CNTNAP5: variants seen among roughly 807,000 people sequenced by gnomAD.
CNTNAP5 encodes the protein contactin associated protein family member 5, also known as contactin-associated protein-like 5.
A neutral mutation model predicts 150.2 loss-of-function variants in CNTNAP5; 72 were observed. The observed-to-expected ratio is 0.48, with a 90% CI of 0.40 to 0.58. The LOEUF (loss-of-function observed/expected upper bound fraction) is 0.58, where lower values mean the gene tolerates loss of function less well. CNTNAP5 is among the 20% of genes least tolerant of loss of function. The probability of loss-of-function intolerance (pLI) is 0.00; values close to 1 mark genes in which losing one functional copy is unlikely to be tolerated. For synonymous variants in CNTNAP5, 672 were observed against 619.8 expected (o/e 1.08, Z -1.25); for missense variants, 1,636 against 1,626.2 (o/e 1.01, Z -0.10).
chr2:124,904,895 T>TA (rs1338582165), intron 22 of CNTNAP5, among the ~76,000 whole-genome samples: 1 of 151,204 alleles, frequency 6.6e-6, no homozygotes. Context: ...TGCATGAAAC[T>TA]AAAAAACCCT....
chr2:124,079,173 T>G (rs535641843), intron 1 of CNTNAP5, among the ~76,000 whole-genome samples: 1 of 152,316 alleles, frequency 6.6e-6, no homozygotes, highest in African/African-American at 2.4e-5. Context: ...AAAACACCTG[T>G]TACGTTAGTC....
rs770024469 is a variant in CNTNAP5, at chr2:124,911,553, G to GTTGTTGAA, written c.3727+17_3727+24dup. 102 of 1,572,512 alleles carry GTTGTTGAA rather than the reference G, an allele frequency of 6.5e-5. No individual in the cohort carries two copies. The highest frequency in any genetic ancestry group is 8.2e-5 in the Non-Finnish European group (95 of 1,153,804). ...AGTCATCGGAGGTAAACAATTCATT[G>GTTGTTGAA]TTGTTGAATGCAAAAAGACATAAAC... On this transcript the variant is annotated intron_variant, in intron 23 of 23. Coordinates refer to ENST00000682447, the MANE Select transcript of CNTNAP5 (RefSeq NM_001367498.1).
chr2:124,245,850 C>T (rs1232544755), intron 3 of CNTNAP5, among the ~76,000 whole-genome samples: 2 of 151,926 alleles, frequency 1.3e-5, no homozygotes, highest in African/African-American at 4.8e-5. Context: ...CCCACTTCAG[C>T]CTTCAAAGTA....
chr2:124,911,656 C>T (rs1678657911), intron 23 of CNTNAP5, 118 bp downstream of exon 23: 2 of 764,534 alleles, frequency 2.6e-6, no homozygotes, highest in South Asian at 3.1e-5. Context: ...CCTACATTAC[C>T]TGCAAGACTG....
At chr2:124,480,676 A>T (rs1187820140) in intron 7 of CNTNAP5, among the ~76,000 whole-genome samples, 1 of 152,154 alleles carries the variant, frequency 6.6e-6, no homozygotes, top group East Asian at 1.9e-4. Flanking sequence ...CATCTCTGTG[A>T]GTATGCTCTG....
At position 124,772,956 on chromosome 2, in the gene CNTNAP5, C is replaced by A. The variant is rs761785663; in HGVS notation, c.2691C>A (p.Ser897Arg). Residue 897 changes from serine (S) to arginine (R), a missense_variant, in exon 17 of 24, where the codon AGC (serine) becomes AGA (arginine). Coordinates refer to ENST00000682447, the MANE Select transcript of CNTNAP5 (RefSeq NM_001367498.1). ...TGCAGGTGGACAACCTTCCAAGGAG[C>A]ACCAGGGAGACGTCGGAGGAGGGCC... The part of the protein sequence containing the change: ...TSLQVDNLPR[S>R]TRETSEEGHF... 2 of 1,613,730 alleles carry A rather than the reference C, an allele frequency of 1.2e-6. No individual in the cohort carries two copies. Among genetic ancestry groups the A allele is most frequent in the African/African-American group, 1.3e-5 (1 of 75,040 alleles).
intron 3 of CNTNAP5, among the ~76,000 whole-genome samples, chr2:124,264,428 ACACAC>A (rs1687550834): frequency 7.2e-6 from 1 of 138,382 alleles, no homozygotes; most frequent in African/African-American, 2.6e-5. Context: ...ACACACACAC[ACACAC>A]CAATCGCCAT....
chr2:124,511,337 A>T (rs1287310726), intron 8 of CNTNAP5, among the ~76,000 whole-genome samples: 1 of 152,228 alleles, frequency 6.6e-6, no homozygotes, highest in Non-Finnish European at 1.5e-5. Flanking sequence ...CCGATGGGAA[A>T]ATACAAGGCA....
Position 124,148,862 on chromosome 2 carries a change from A to C in CNTNAP5, c.83-72843A>C, listed in dbSNP as rs1034013017. ...AGACACTATGCATCTATAGAGAGAG[A>C]GGTGTATATATATACACACACACAT... is the stretch of plus-strand genomic sequence containing the variant. On this transcript the variant is annotated intron_variant, in intron 1 of 23. Coordinates refer to ENST00000682447, the MANE Select transcript of CNTNAP5 (RefSeq NM_001367498.1). Among the ~76,000 whole-genome samples the C allele has an allele frequency of 4.0e-5, 6 of 150,666 alleles. No homozygotes were observed. In the East Asian group the frequency reaches 1.2e-3, roughly 29 times the overall value.
chr2:124,244,543 G>T (rs1686971091), intron 3 of CNTNAP5, among the ~76,000 whole-genome samples: 1 of 152,110 alleles, frequency 6.6e-6, no homozygotes, highest in Non-Finnish European at 1.5e-5. Context: ...TCCAGCAACA[G>T]CTCCCCAGAG....
At chr2:124,398,377 T>C (rs1162164979) in intron 3 of CNTNAP5, among the ~76,000 whole-genome samples, 1 of 152,094 alleles carries the variant, frequency 6.6e-6, no homozygotes. Context: ...TGGGGGAACA[T>C]CTCGCAGTTT....
At chr2:124,864,890 G>T (rs1320004922) in intron 19 of CNTNAP5, among the ~76,000 whole-genome samples, 2 of 152,158 alleles carry the variant, frequency 1.3e-5, no homozygotes, top group African/African-American at 4.8e-5. Flanking sequence ...TAACAGGACT[G>T]AGTTCTCTTT....
intron 1 of CNTNAP5, among the ~76,000 whole-genome samples, chr2:124,124,982 A>C (rs1033682200): frequency 6.6e-6 from 1 of 152,218 alleles, no homozygotes; most frequent in Non-Finnish European, 1.5e-5. Context: ...AAGACCATCA[A>C]TGCTAGGAAG....
intron 8 of CNTNAP5, among the ~76,000 whole-genome samples, chr2:124,515,528 T>TTCAA (rs1694690025): frequency 8.5e-6 from 1 of 117,566 alleles, no homozygotes; most frequent in Admixed American, 8.2e-5. Flanking sequence ...TACTAATTTA[T>TTCAA]TCAATCAATC....
intron 1 of CNTNAP5, among the ~76,000 whole-genome samples, chr2:124,167,115 ATC>A: frequency 6.6e-6 from 1 of 152,254 alleles, no homozygotes; most frequent in East Asian, 1.9e-4. Context: ...TGTCTCAGAT[ATC>A]TCTCTCTTTC....
chr2:124,216,698 G>C (rs995036775), intron 1 of CNTNAP5, among the ~76,000 whole-genome samples: 1 of 152,102 alleles, frequency 6.6e-6, no homozygotes, highest in African/African-American at 2.4e-5. Context: ...CTTCATCCAT[G>C]TCCCTACAAA....
intron 19 of CNTNAP5, among the ~76,000 whole-genome samples, chr2:124,837,667 A>T (rs539785390): frequency 6.6e-6 from 1 of 152,164 alleles, no homozygotes; most frequent in Admixed American, 6.6e-5. Context: ...TTTTAGGCAC[A>T]GTTGTTTACA....
At chr2:124,519,185 G>T (rs1045059004) in intron 8 of CNTNAP5, among the ~76,000 whole-genome samples, 5 of 151,900 alleles carry the variant, frequency 3.3e-5, no homozygotes, top group South Asian at 2.1e-4. Flanking sequence ...AGGGCTGGAG[G>T]TGCAGGGATA....
intron 19 of CNTNAP5, among the ~76,000 whole-genome samples, chr2:124,799,129 A>C (rs1021152297): frequency 2.0e-5 from 3 of 152,156 alleles, no homozygotes; most frequent in Non-Finnish European, 4.4e-5. Flanking sequence ...TCATTTTTCA[A>C]TTTGCATGGT....
Sources: allele counts gnomAD v4.1 joint callset (sites outside exome capture counted in the v4.1 genomes callset), GRCh38; gene constraint gnomAD v4.1.1; transcripts MANE v1.5; gene names NCBI Gene and HGNC (gene_info 2026-07-23, HGNC 2026-07-21).